Variants in BTAF1 observed in about 807,000 individuals in gnomAD.
The protein encoded by BTAF1 is B-TFIID TATA-box binding protein associated factor 1, also known as TATA-binding protein-associated factor 172.
In BTAF1, 38 loss-of-function variants were observed where a neutral mutation model predicts 227.1. The ratio of observed to expected loss-of-function variants is 0.17; its 90% CI spans 0.13 to 0.22. The LOEUF (loss-of-function observed/expected upper bound fraction) is 0.22, where lower values mean the gene tolerates loss of function less well. Among genes scored for constraint, BTAF1 ranks in the 10% least tolerant of loss-of-function variants. The pLI is 1.00. For synonymous variants in BTAF1, 742 were observed against 751.9 expected (o/e 0.99, Z 0.21); for missense variants, 1,598 against 2,204.0 (o/e 0.73, Z 5.51).
chr10:91,958,020 A>T lies in BTAF1; in HGVS notation c.900+727A>T, dbSNP rs2133885177. 1.3e-5 allele frequency among the ~76,000 whole-genome samples: 2 copies of T among 152,144 alleles called. 1 individual carries two copies. The highest frequency in any genetic ancestry group is 4.2e-4 in the South Asian group (2 of 4,818). ...TATTGTCTTCTTTTGGCACTCACTTATCATTGGTAGCTTTGGAGCTTAGGT... is the reference window on the plus strand; with the variant it reads ...TATTGTCTTCTTTTGGCACTCACTTTTCATTGGTAGCTTTGGAGCTTAGGT... On this transcript the variant is annotated intron_variant, in intron 8 of 37. Transcript: ENST00000265990.
At chr10:92,028,708 C>A in intron 37 of BTAF1, 82 bp from the exon 38 acceptor site, 1 of 1,327,946 alleles carries the variant, frequency 7.5e-7, no homozygotes, top group Non-Finnish European at 1.0e-6. Flanking sequence ...GTATTAGAAA[C>A]AAGTGTGATT....
In BTAF1 at chr10:92,016,336, A is replaced by G. The variant is rs1425536668; in HGVS notation, c.4585-4A>G. Reference sequence around the variant, plus strand: ...AAGCTTCTCCCACGGGGGCCATTTTACAGGTTCAGCTCTATGAAGATTTTG... The same window carrying G: ...AAGCTTCTCCCACGGGGGCCATTTTGCAGGTTCAGCTCTATGAAGATTTTG... On this transcript the variant is annotated splice_polypyrimidine_tract_variant and splice_region_variant and intron_variant, in intron 32 of 37. Coordinates refer to ENST00000265990, the MANE Select transcript of BTAF1 (RefSeq NM_003972.3). 3.1e-6 allele frequency: 5 copies of G among 1,588,512 alleles called. No individual in the cohort carries two copies. The Admixed American group carries it at 7.5e-5, about 24-fold the overall frequency.
At chr10:91,970,955 A>AT (rs1847254670) in intron 14 of BTAF1, among the ~76,000 whole-genome samples, 1 of 152,220 alleles carries the variant, frequency 6.6e-6, no homozygotes, top group Admixed American at 6.5e-5. Context: ...GTTTTACTGA[A>AT]TATGTCAATT....
Position 91,942,012 on chromosome 10 carries a change from G to A in BTAF1, c.254-410G>A, listed in dbSNP as rs541388322. Among the ~76,000 whole-genome samples, 11 of 152,260 alleles carry A rather than the reference G, an allele frequency of 7.2e-5. No homozygotes were observed. The East Asian group carries it at 1.4e-3, about 19-fold the overall frequency. ...TTACTATCCGGGTACAGTGGCTTACGCCTGTAAATTCCAGCACTTTGGGAA... is the reference window on the plus strand; with the variant it reads ...TTACTATCCGGGTACAGTGGCTTACACCTGTAAATTCCAGCACTTTGGGAA... On this transcript the variant is annotated intron_variant, in intron 3 of 37. Transcript: ENST00000265990.
intron 4 of BTAF1, among the ~76,000 whole-genome samples, chr10:91,949,342 C>A (rs763570205): frequency 2.6e-5 from 4 of 152,100 alleles, no homozygotes; most frequent in Non-Finnish European, 5.9e-5. Context: ...TAAATAAAAC[C>A]TTTTAATTCT....
At chr10:91,950,618 T>C (rs992213095) in intron 4 of BTAF1, among the ~76,000 whole-genome samples, 1 of 152,142 alleles carries the variant, frequency 6.6e-6, no homozygotes, top group African/African-American at 2.4e-5. Flanking sequence ...CTTGAGACAT[T>C]TAAAAACCTG....
At chr10:91,961,932 T>TTG (rs1160317529) in intron 11 of BTAF1, among the ~76,000 whole-genome samples, 10 of 152,088 alleles carry the variant, frequency 6.6e-5, no homozygotes, top group East Asian at 5.8e-4. Flanking sequence ...GCAGAGGGGT[T>TTG]TGTGTGTGTG....
At chr10:91,959,937 G>A (rs536488593) in intron 10 of BTAF1, 41 bp from the exon 11 acceptor site, 38 of 1,600,614 alleles carry the variant, frequency 2.4e-5, no homozygotes, top group South Asian at 6.8e-5. Flanking sequence ...TACAAAATAC[G>A]TTTTTTGCAA....
At position 91,959,800 on chromosome 10, in the gene BTAF1, C is replaced by A; in HGVS notation, c.1006C>A (p.Gln336Lys). The A allele has an allele frequency of 6.4e-7, 1 of 1,572,568 alleles. No individual in the cohort carries two copies. Among genetic ancestry groups the A allele is most frequent in the South Asian group, 1.2e-5 (1 of 86,500 alleles). The change falls in exon 10 of 38, where the codon CAA becomes AAA. Residue 336 changes from glutamine (Q) to lysine (K), a missense_variant. Coordinates refer to ENST00000265990, the MANE Select transcript of BTAF1 (RefSeq NM_003972.3). ...STLEEMIQQH[Q>K]EWLEDLVIRL... ...ATTTTAACAGATGATTCAGCAGCAT[C>A]AAGAGTGGTTGGAAGACTTGGTTAT...
chr10:92,006,618 A>T (rs1368229956), intron 25 of BTAF1, among the ~76,000 whole-genome samples: 2 of 152,224 alleles, frequency 1.3e-5, no homozygotes, highest in Non-Finnish European at 2.9e-5. Context: ...CATGTTTATT[A>T]TCAACAGCAT....
Position 92,028,971 on chromosome 10 carries a change from T to C in BTAF1, c.*38T>C. On this transcript the variant is annotated 3_prime_UTR_variant, in exon 38 of 38. Transcript: ENST00000265990. ...GTAAATGCAATTGCTGCTAGTTCAG[T>C]TACATTTCTGCTGATATTCAGCAAA... 1.3e-6 allele frequency: 2 copies of C among 1,534,042 alleles called. No homozygotes were observed. The highest frequency in any genetic ancestry group is 8.8e-7 in the Non-Finnish European group (1 of 1,142,162).
intron 23 of BTAF1, among the ~76,000 whole-genome samples, chr10:91,995,601 G>A (rs957692792): frequency 4.6e-5 from 7 of 151,902 alleles, no homozygotes; most frequent in Admixed American, 4.6e-4. Flanking sequence ...ACTGGAACCC[G>A]GGAGGCAGAG....
intron 4 of BTAF1, among the ~76,000 whole-genome samples, chr10:91,945,967 G>T (rs1487724129): frequency 6.6e-6 from 1 of 152,088 alleles, no homozygotes; most frequent in Non-Finnish European, 1.5e-5. Flanking sequence ...TTTTTTGATA[G>T]TTGCCATCCT....
At chr10:91,983,592 A>C (rs1158043157) in intron 18 of BTAF1, among the ~76,000 whole-genome samples, 2 of 152,144 alleles carry the variant, frequency 1.3e-5, no homozygotes, top group African/African-American at 4.8e-5. Flanking sequence ...GCAAGTGTTG[A>C]CAGTTAGGTT....
chr10:91,977,015 C>A (rs1847747135), intron 14 of BTAF1, among the ~76,000 whole-genome samples: 2 of 151,868 alleles, frequency 1.3e-5, no homozygotes, highest in Non-Finnish European at 2.9e-5. Flanking sequence ...TAAGCTGAAA[C>A]CTGAAGGGTA....
chr10:91,985,166 A>G lies in BTAF1; in HGVS notation c.2427+762A>G, dbSNP rs978675063. ...TGCCTCTCCCTGCCACCGAGTAACC[A>G]TTATTCTAATTCCCCCCCGAAGATA... On this transcript the variant is annotated intron_variant, in intron 19 of 37. Coordinates refer to ENST00000265990, the MANE Select transcript of BTAF1 (RefSeq NM_003972.3). Among the ~76,000 whole-genome samples, 7 of 152,170 alleles carry G rather than the reference A, an allele frequency of 4.6e-5. No individual in the cohort carries two copies. The South Asian group carries it at 1.0e-3, about 23-fold the overall frequency.
At chr10:91,948,137 T>C (rs1845511933) in intron 4 of BTAF1, among the ~76,000 whole-genome samples, 1 of 152,122 alleles carries the variant, frequency 6.6e-6, no homozygotes, top group East Asian at 1.9e-4. Flanking sequence ...TAAGTATTTC[T>C]CCTAATGCTA....
chr10:91,981,881 A>G, intron 16 of BTAF1, 89 bp downstream of exon 16: 6 of 1,424,372 alleles, frequency 4.2e-6, no homozygotes, highest in Non-Finnish European at 5.6e-6. Context: ...TATTGCCTTA[A>G]GTGTGATTTA....
chr10:91,960,590 T>TG (rs1040916196), intron 11 of BTAF1, among the ~76,000 whole-genome samples: 5 of 151,200 alleles, frequency 3.3e-5, no homozygotes, highest in Admixed American at 1.3e-4. Flanking sequence ...TGTCAGTGTT[T>TG]TTTTTTTTTT....
Sources: gnomAD v4.1 joint callset for allele counts (sites outside exome capture counted in the v4.1 genomes callset) on GRCh38, gnomAD v4.1.1 for gene constraint, MANE v1.5 for transcripts, NCBI Gene and HGNC (gene_info 2026-07-23, HGNC 2026-07-21) for gene names.